NDST3: variants seen among roughly 807,000 people sequenced by gnomAD.
The protein encoded by NDST3 is bifunctional heparan sulfate N-deacetylase/N-sulfotransferase 3.
Under a neutral mutation model 96.1 loss-of-function variants are expected in NDST3, and 58 were observed. That is an observed-to-expected ratio of 0.60 (90% CI 0.49 to 0.75). NDST3 has a LOEUF of 0.75. NDST3 is among the 30% of genes least tolerant of loss of function. NDST3 has a pLI of 0.00. For synonymous variants in NDST3, 333 were observed against 359.7 expected (o/e 0.93, Z 0.84); for missense variants, 788 against 1,034.2 (o/e 0.76, Z 3.27).
At chr4:118,242,283 CG>C (rs112443980) in intron 12 of NDST3, 134 bp downstream of exon 12, 8 of 511,550 alleles carry the variant, frequency 1.6e-5, no homozygotes, top group South Asian at 3.5e-5. Flanking sequence ...ACATTAACCA[CG>C]GAAAAAAAAA....
rs1729531787 is a variant in NDST3 at position 118,098,617 on chromosome 4, A to C, written c.982-6401A>C. 2.6e-5 allele frequency among the ~76,000 whole-genome samples: 4 copies of C among 152,052 alleles called. No individual in the cohort carries two copies. In the South Asian group the frequency reaches 8.3e-4, roughly 31 times the overall value. On this transcript the variant is annotated intron_variant, in intron 2 of 13. Transcript: ENST00000296499. The stretch of plus-strand genomic sequence containing the variant: ...TATAATGTATGCTCAAGACCAGTTA[A>C]AGTATGTAACAGAAGTAACTCAAGA...
At chr4:118,113,049 G>C (rs1340002105) in intron 3 of NDST3, among the ~76,000 whole-genome samples, 2 of 152,062 alleles carry the variant, frequency 1.3e-5, no homozygotes, top group Admixed American at 1.3e-4. Flanking sequence ...AACAGAAGTA[G>C]GAAATACAGG....
chr4:118,064,392 T>C (rs886911233), intron 2 of NDST3, among the ~76,000 whole-genome samples: 4 of 152,200 alleles, frequency 2.6e-5, no homozygotes, highest in African/African-American at 7.2e-5. Context: ...CCATGAATAA[T>C]GAAACTGGAG....
intron 2 of NDST3, among the ~76,000 whole-genome samples, chr4:118,056,412 C>A (rs184351597): frequency 6.6e-6 from 1 of 151,954 alleles, no homozygotes; most frequent in East Asian, 1.9e-4. Context: ...AAAAATTTGG[C>A]ATGTCTACTT....
At chr4:118,106,598 A>G (rs759901833) in intron 3 of NDST3, among the ~76,000 whole-genome samples, 1 of 152,078 alleles carries the variant, frequency 6.6e-6, no homozygotes, top group Non-Finnish European at 1.5e-5. Context: ...ATTTTTGTGC[A>G]TATATCAGAT....
intron 7 of NDST3, among the ~76,000 whole-genome samples, chr4:118,225,159 A>T (rs1739795696): frequency 6.6e-6 from 1 of 152,186 alleles, no homozygotes; most frequent in African/African-American, 2.4e-5. Context: ...AAAAGTATTA[A>T]TTGGGGATTA....
At chr4:118,174,847 A>G (rs796913854) in intron 6 of NDST3, among the ~76,000 whole-genome samples, 2 of 152,266 alleles carry the variant, frequency 1.3e-5, no homozygotes, top group South Asian at 2.1e-4. Context: ...GACTGTGACT[A>G]AAGTTGGATT....
chr4:118,221,557 T>C (rs1739545297), intron 6 of NDST3, among the ~76,000 whole-genome samples: 1 of 152,034 alleles, frequency 6.6e-6, no homozygotes, highest in Non-Finnish European at 1.5e-5. Context: ...CCCCCATACC[T>C]AGAGCTTAGT....
chr4:118,181,449 T>A (rs1736603889), intron 6 of NDST3, among the ~76,000 whole-genome samples: 2 of 152,018 alleles, frequency 1.3e-5, no homozygotes, highest in Non-Finnish European at 2.9e-5. Context: ...TCAGCAAAAA[T>A]AATGCCGACA....
intron 2 of NDST3, among the ~76,000 whole-genome samples, chr4:118,100,878 C>T (rs757477772): frequency 6.6e-6 from 1 of 152,162 alleles, no homozygotes; most frequent in Non-Finnish European, 1.5e-5. Flanking sequence ...GGTATGAGTG[C>T]GTGTACACGC....
At chr4:118,195,631 ACTTT>A (rs1042003294) in intron 6 of NDST3, among the ~76,000 whole-genome samples, 2 of 152,188 alleles carry the variant, frequency 1.3e-5, no homozygotes, top group Non-Finnish European at 2.9e-5. Context: ...AATTAGGATT[ACTTT>A]CTTGATTTCT....
intron 1 of NDST3, among the ~76,000 whole-genome samples, chr4:118,039,700 G>A (rs573733127): frequency 6.6e-6 from 1 of 152,246 alleles, no homozygotes; most frequent in African/African-American, 2.4e-5. Flanking sequence ...AGAACCATAG[G>A]ATTTGGAAGA....
At chr4:118,052,566 TAGGTGCCC>T (rs796796844) in intron 1 of NDST3, among the ~76,000 whole-genome samples, 8 of 152,078 alleles carry the variant, frequency 5.3e-5, no homozygotes, top group African/African-American at 1.9e-4. Context: ...AAGAATTCCT[TAGGTGCCC>T]AGGTAAATCC....
chr4:118,049,491 G>GA (rs1214984559), intron 1 of NDST3, among the ~76,000 whole-genome samples: 10 of 151,196 alleles, frequency 6.6e-5, no homozygotes, highest in Non-Finnish European at 1.5e-5. Context: ...GAATAACAAA[G>GA]AAAAATAAAG....
At chr4:118,197,604 T>C (rs1420854373) in intron 6 of NDST3, among the ~76,000 whole-genome samples, 1 of 152,112 alleles carries the variant, frequency 6.6e-6, no homozygotes, top group Non-Finnish European at 1.5e-5. Flanking sequence ...TTGAAATCTA[T>C]TTTGTCTGAT....
rs112870951 is a variant in NDST3, at chr4:118,056,925, G to A, written c.981+2034G>A. On this transcript the variant is annotated intron_variant, in intron 2 of 13. Transcript: ENST00000296499. ...TGTTGTGGGAAACACTACAGTGTGTGCTGTGTACCTGTAACTTAAGTATGT... is the reference window on the plus strand; with the variant it reads ...TGTTGTGGGAAACACTACAGTGTGTACTGTGTACCTGTAACTTAAGTATGT... Among the ~76,000 whole-genome samples the A allele has an allele frequency of 6.6e-3, 1,010 of 152,080 alleles. 8 individuals are homozygous for A. Among genetic ancestry groups the A allele is most frequent in the African/African-American group, 0.023 (968 of 41,518 alleles).
intron 6 of NDST3, among the ~76,000 whole-genome samples, chr4:118,158,367 T>G (rs988694661): frequency 3.9e-5 from 6 of 152,182 alleles, no homozygotes; most frequent in African/African-American, 1.2e-4. Flanking sequence ...AAGCTTGTAT[T>G]AAACAGGACA....
intron 6 of NDST3, among the ~76,000 whole-genome samples, chr4:118,176,280 C>G (rs1736275405): frequency 2.0e-5 from 3 of 151,784 alleles, no homozygotes; most frequent in Non-Finnish European, 4.4e-5. Context: ...GCAAGCAAAC[C>G]TATCCCCTAC....
chr4:118,160,887 G>T (rs6835860), intron 6 of NDST3, among the ~76,000 whole-genome samples: 1 of 151,916 alleles, frequency 6.6e-6, no homozygotes, highest in Admixed American at 6.6e-5. Flanking sequence ...GTCATTCTCC[G>T]TCCAGCTTTG....
Sources: gnomAD v4.1 joint callset for allele counts (sites outside exome capture counted in the v4.1 genomes callset) on GRCh38, gnomAD v4.1.1 for gene constraint, MANE v1.5 for transcripts, NCBI Gene and HGNC (gene_info 2026-07-23, HGNC 2026-07-21) for gene names.